Variants in CFAP69 observed in about 807,000 individuals in gnomAD.
CFAP69 encodes the protein cilia- and flagella-associated protein 69.
CFAP69 carries 92 observed loss-of-function variants against 123.0 expected under a neutral mutation model. The ratio of observed to expected loss-of-function variants is 0.75; its 90% confidence interval spans 0.63 to 0.89. The LOEUF (loss-of-function observed/expected upper bound fraction) is 0.89. Among genes scored for constraint, CFAP69 ranks in the 40% least tolerant of loss-of-function variants. The pLI is 0.00. For missense variants in CFAP69, 1,067 were observed against 1,096.9 expected, an observed-to-expected ratio of 0.97 and a Z score of 0.39; for synonymous variants, 380 against 364.3, an observed-to-expected ratio of 1.04 and a Z score of -0.49.
intron 1 of CFAP69, among the ~76,000 whole-genome samples, chr7:90,254,546 G>A (rs1797414624): frequency 6.6e-6 from 1 of 152,144 alleles, no homozygotes; most frequent in Non-Finnish European, 1.5e-5. Flanking sequence ...GAACGAACAT[G>A]TAGACCCTTT....
intron 1 of CFAP69, among the ~76,000 whole-genome samples, chr7:90,255,108 T>C (rs1007673021): frequency 1.3e-5 from 2 of 152,216 alleles, no homozygotes; most frequent in African/African-American, 4.8e-5. Context: ...CTTAGTGTAA[T>C]GTGTATACAA....
chr7:90,315,592 G>T (rs966017813), downstream of CFAP69, among the ~76,000 whole-genome samples: 10 of 152,258 alleles, frequency 6.6e-5, no homozygotes, highest in African/African-American at 2.2e-4. Flanking sequence ...AGGCACTGAG[G>T]CCTACTTGAT....
At chr7:90,276,588 T>G (rs1192764781) in intron 9 of CFAP69, among the ~76,000 whole-genome samples, 2 of 152,208 alleles carry the variant, frequency 1.3e-5, no homozygotes, top group Non-Finnish European at 2.9e-5. Context: ...CTTCAGGGCT[T>G]TTCATGCTAA....
intron 13 of CFAP69, among the ~76,000 whole-genome samples, chr7:90,285,326 C>T (rs1790106995): frequency 6.6e-6 from 1 of 152,298 alleles, no homozygotes; most frequent in South Asian, 2.1e-4. Flanking sequence ...TGGAGATAGG[C>T]TATGATTTCC....
intron 15 of CFAP69, among the ~76,000 whole-genome samples, chr7:90,296,455 A>C (rs1288892201): frequency 4.0e-5 from 6 of 151,890 alleles, no homozygotes; most frequent in East Asian, 3.9e-4. Context: ...AGGCTCCTGA[A>C]TAACTGGGAT....
intron 16 of CFAP69, 73 bp from the exon 17 acceptor site, chr7:90,299,790 TTCTC>T: frequency 8.6e-7 from 1 of 1,164,404 alleles, no homozygotes; most frequent in Non-Finnish European, 1.2e-6. Context: ...ATAGAAGTGT[TTCTC>T]TCTTTTTTTT....
the CFAP69 span, among the ~76,000 whole-genome samples, chr7:90,321,593 T>A: frequency 1.3e-4 from 20 of 152,176 alleles, no homozygotes; most frequent in Non-Finnish European, 2.5e-4. Flanking sequence ...TCAGTCCACA[T>A]ACCCAAGTTA....
At chr7:90,278,043 TTTAG>T (rs1338802584) in intron 11 of CFAP69, among the ~76,000 whole-genome samples, 17 of 152,070 alleles carry the variant, frequency 1.1e-4, no homozygotes, top group African/African-American at 3.9e-4. Flanking sequence ...AACAATTCTG[TTTAG>T]TTAGTTACTG....
intron 15 of CFAP69, 96 bp downstream of exon 15, chr7:90,288,448 A>G (rs17868448): frequency 0.013 from 18,091 of 1,361,690 alleles, 797 homozygotes; most frequent in East Asian, 0.11. Flanking sequence ...TCCTTAGGCA[A>G]TTTCATCTTA....
chr7:90,299,062 T>G (rs980481368), intron 16 of CFAP69, among the ~76,000 whole-genome samples: 1 of 152,168 alleles, frequency 6.6e-6, no homozygotes, highest in Non-Finnish European at 1.5e-5. Flanking sequence ...ATATAACTCA[T>G]AATAACCCTT....
At position 90,288,257 on chromosome 7, in the gene CFAP69, A is replaced by G. The variant is rs754403753; in HGVS notation, c.1680A>G (p.Val560=). The G allele has an allele frequency of 6.2e-7, 1 of 1,610,050 alleles. No individual in the cohort carries two copies. The highest frequency in any genetic ancestry group is 1.3e-5 in the African/African-American group (1 of 74,964). The change falls in exon 15 of 23, where the codon GTA becomes GTG. Residue 560 remains valine (V), a synonymous_variant. Coordinates refer to ENST00000389297, the MANE Select transcript of CFAP69 (RefSeq NM_001039706.3). The stretch of plus-strand genomic sequence containing the variant: ...AGGAAATTTTCGGAACTGAAGGAGT[A>G]GATATCGTTCTTCATGTGATGAAAA... The part of the protein sequence containing the change: ...QRKEIFGTEG[V]DIVLHVMKTD...
intron 11 of CFAP69, among the ~76,000 whole-genome samples, chr7:90,278,724 G>A (rs1258008802): frequency 1.3e-5 from 2 of 152,158 alleles, no homozygotes; most frequent in East Asian, 1.9e-4. Context: ...CACATAATTT[G>A]TGGTCCAGTA....
At chr7:90,304,880 A>T in intron 19 of CFAP69, 60 bp downstream of exon 19, 1 of 1,108,106 alleles carries the variant, frequency 9.0e-7, no homozygotes, top group Non-Finnish European at 1.3e-6. Flanking sequence ...TTAACTGGAA[A>T]ATAAAATATC....
intron 1 of CFAP69, among the ~76,000 whole-genome samples, chr7:90,246,723 A>G (rs1036532344): frequency 2.0e-5 from 3 of 152,318 alleles, no homozygotes; most frequent in African/African-American, 7.2e-5. Flanking sequence ...GCAAAACTGA[A>G]AAGTATGTGA....
At chr7:90,257,669 T>C (rs1797812849) in intron 2 of CFAP69, among the ~76,000 whole-genome samples, 1 of 152,238 alleles carries the variant, frequency 6.6e-6, no homozygotes, top group Non-Finnish European at 1.5e-5. Context: ...TAATATCTTC[T>C]AGTTCCATCC....
At chr7:90,282,005 C>T (rs1199670719) in intron 12 of CFAP69, among the ~76,000 whole-genome samples, 1 of 152,102 alleles carries the variant, frequency 6.6e-6, no homozygotes, top group Non-Finnish European at 1.5e-5. Context: ...ATCCTGTTGG[C>T]AATCAGATAA....
At chr7:90,298,244 G>T (rs1792281389) in intron 16 of CFAP69, among the ~76,000 whole-genome samples, 1 of 152,158 alleles carries the variant, frequency 6.6e-6, no homozygotes, top group Non-Finnish European at 1.5e-5. Flanking sequence ...CATTTTTAAA[G>T]AACTATGTAT....
chr7:90,319,380 A>T, the CFAP69 span: 1 of 398,466 alleles, frequency 2.5e-6, no homozygotes, highest in Admixed American at 4.4e-5. Context: ...TCTGTGGAAA[A>T]TTATATTTGG....
intron 1 of CFAP69, among the ~76,000 whole-genome samples, chr7:90,248,852 T>A (rs1434518006): frequency 6.6e-6 from 1 of 152,210 alleles, no homozygotes; most frequent in Non-Finnish European, 1.5e-5. Context: ...TTGCTTGCCC[T>A]TTCTGTGTCT....
Sources: gnomAD v4.1 joint callset for allele counts (sites outside exome capture counted in the v4.1 genomes callset) on GRCh38, gnomAD v4.1.1 for gene constraint, MANE v1.5 for transcripts, NCBI Gene and HGNC (gene_info 2026-07-23, HGNC 2026-07-21) for gene names.